The following SULF2 variants were observed in gnomAD, a reference collection of about 807,000 sequenced individuals.
SULF2 encodes the protein extracellular sulfatase Sulf-2.
A neutral mutation model predicts 107.7 loss-of-function variants in SULF2; 52 were observed. The ratio of observed to expected loss-of-function variants is 0.48; its 90% confidence interval spans 0.39 to 0.61. The LOEUF (loss-of-function observed/expected upper bound fraction) is 0.61, where lower values mean the gene tolerates loss of function less well. Ranked by LOEUF, SULF2 falls within the 20% of genes least tolerant of loss-of-function variation. SULF2 has a pLI of 0.00. For missense variants in SULF2, 993 were observed against 1,177.3 expected (o/e 0.84, Z 2.29); for synonymous variants, 460 against 464.3 (o/e 0.99, Z 0.12).
At chr20:47,727,986 T>C (rs987577790) in intron 3 of SULF2, among the ~76,000 whole-genome samples, 3 of 152,166 alleles carry the variant, frequency 2.0e-5, no homozygotes, top group African/African-American at 7.2e-5. Context: ...ACACGCTGGG[T>C]CAGCCTGGGT....
chr20:47,694,002 C>G lies in SULF2; in HGVS notation c.568-3707G>C, dbSNP rs542487198. On this transcript the variant is annotated intron_variant, in intron 4 of 20. Transcript: ENST00000688720. The surrounding 1 kb of genome is among the most constrained non-coding windows in gnomAD (Gnocchi z 4.4). ...GGGCAGATTTCTCCATGTCTGAGAG[C>G]TCCCCTCCTTATCCATCCTCCTCAG... Among the ~76,000 whole-genome samples, 2 of 152,206 alleles carry G rather than the reference C, an allele frequency of 1.3e-5. No individual in the cohort carries two copies. The highest frequency in any genetic ancestry group is 3.8e-4 in the East Asian group (2 of 5,198).
intron 1 of SULF2, among the ~76,000 whole-genome samples, chr20:47,776,952 TCTTTC>T (rs1434878281): frequency 3.3e-5 from 5 of 152,180 alleles, no homozygotes; most frequent in Non-Finnish European, 7.3e-5. Flanking sequence ...TCTCCAAGCC[TCTTTC>T]TTTTCTTGCT....
chr20:47,745,412 TA>T (rs2090005151), intron 2 of SULF2, among the ~76,000 whole-genome samples: 2 of 6,886 alleles, frequency 2.9e-4, no homozygotes, highest in Non-Finnish European at 4.5e-4. Flanking sequence ...AAAAAAAAAA[TA>T]TATATATATA....
chr20:47,684,369 G>C, intron 6 of SULF2, 62 bp downstream of exon 6: 1 of 1,506,352 alleles, frequency 6.6e-7, no homozygotes, highest in Admixed American at 2.2e-5. Flanking sequence ...AGGAGGTCTC[G>C]GCCCTGGCCT....
At chr20:47,663,645 A>C (rs1363998277) in intron 15 of SULF2, 23 bp from the exon 16 acceptor site, 1 of 1,551,332 alleles carries the variant, frequency 6.4e-7, no homozygotes. Context: ...AGGGCCACAC[A>C]CACCTTGGGC....
intron 10 of SULF2, among the ~76,000 whole-genome samples, chr20:47,673,757 C>T (rs2087553302): frequency 6.6e-6 from 1 of 152,206 alleles, no homozygotes; most frequent in African/African-American, 2.4e-5. Context: ...GCCTGGGGGA[C>T]CTGGGGAGGC....
At chr20:47,750,248 G>A (rs1339906102) in intron 2 of SULF2, among the ~76,000 whole-genome samples, 1 of 152,154 alleles carries the variant, frequency 6.6e-6, no homozygotes, top group Non-Finnish European at 1.5e-5. Context: ...CCAAAGCGCT[G>A]GGATCACAGG....
chr20:47,682,543 A>T (rs923394925), intron 7 of SULF2, among the ~76,000 whole-genome samples: 3 of 152,214 alleles, frequency 2.0e-5, no homozygotes, highest in Non-Finnish European at 4.4e-5. Flanking sequence ...TCCTCCAGGA[A>T]GGATGGGAGG....
chr20:47,726,135 C>T (rs756706844), intron 3 of SULF2, among the ~76,000 whole-genome samples: 1 of 152,170 alleles, frequency 6.6e-6, no homozygotes, highest in African/African-American at 2.4e-5. Context: ...CCACCCCCTG[C>T]GTTTTTATTG....
chr20:47,688,204 C>T (rs1312883483), intron 5 of SULF2, among the ~76,000 whole-genome samples: 13 of 152,108 alleles, frequency 8.5e-5, no homozygotes, highest in Admixed American at 6.5e-5. Context: ...AACCGTGCGC[C>T]CCGGCTCTGT....
intron 3 of SULF2, among the ~76,000 whole-genome samples, chr20:47,712,663 G>C (rs2088971311): frequency 6.6e-6 from 1 of 152,140 alleles, no homozygotes; most frequent in Admixed American, 6.5e-5. Flanking sequence ...GTGCAAGGTG[G>C]GGCAGCGCCC....
chr20:47,783,577 A>G (rs1225372983), intron 1 of SULF2, among the ~76,000 whole-genome samples: 2 of 152,074 alleles, frequency 1.3e-5, no homozygotes, highest in Non-Finnish European at 2.9e-5. Context: ...TCATCACTCT[A>G]CTCTCAAGTT....
rs967489331 is a variant in SULF2, at chr20:47,663,384, T to C, written c.2227+69A>G. 2.5e-6 allele frequency: 4 copies of C among 1,595,236 alleles called. No homozygotes were observed. In the African/African-American group the frequency reaches 5.4e-5, roughly 21 times the overall value. On this transcript the variant is annotated intron_variant, in intron 16 of 20. Coordinates refer to ENST00000688720, the MANE Select transcript of SULF2 (RefSeq NM_001387048.1). ...ACCCCCTTTCTGAGAGAGGTCTGGG[T>C]CACTAAGTGGAGAAGTTTCTTGAAC...
intron 2 of SULF2, among the ~76,000 whole-genome samples, chr20:47,748,645 G>C (rs1881245213): frequency 6.6e-6 from 1 of 152,144 alleles, no homozygotes; most frequent in Non-Finnish European, 1.5e-5. Flanking sequence ...AAGCCCCTTC[G>C]CTCTCTGGGC....
chr20:47,713,475 T>C (rs910391404), intron 3 of SULF2, among the ~76,000 whole-genome samples: 1 of 152,106 alleles, frequency 6.6e-6, no homozygotes, highest in African/African-American at 2.4e-5. Flanking sequence ...TTTAAAGAGC[T>C]TGGTTTGCAG....
At chr20:47,704,689 G>T (rs910140440) in intron 3 of SULF2, among the ~76,000 whole-genome samples, 1 of 152,238 alleles carries the variant, frequency 6.6e-6, no homozygotes, top group Non-Finnish European at 1.5e-5. Context: ...AGGACACTGC[G>T]GTTCTGAAAT....
At chr20:47,778,685 A>G (rs895646912) in intron 1 of SULF2, among the ~76,000 whole-genome samples, 11 of 152,222 alleles carry the variant, frequency 7.2e-5, no homozygotes, top group Non-Finnish European at 1.6e-4. Context: ...ATGAATATTT[A>G]GCTCTGTCTG....
chr20:47,750,124 G>A (rs1012051476), intron 2 of SULF2, among the ~76,000 whole-genome samples: 4 of 152,206 alleles, frequency 2.6e-5, no homozygotes, highest in African/African-American at 9.6e-5. Flanking sequence ...TGGGACTATA[G>A]GCGTGTGCCA....
At chr20:47,759,100 G>A (rs1292766243) in intron 1 of SULF2, among the ~76,000 whole-genome samples, 1 of 152,156 alleles carries the variant, frequency 6.6e-6, no homozygotes, top group Non-Finnish European at 1.5e-5. Flanking sequence ...GGGCAGGGGA[G>A]GGCACAGTGC....
Sources: allele counts gnomAD v4.1 joint callset (sites outside exome capture counted in the v4.1 genomes callset), GRCh38; gene constraint gnomAD v4.1.1; non-coding constraint Gnocchi (gnomAD v3.1); transcripts MANE v1.5; gene names NCBI Gene and HGNC (gene_info 2026-07-23, HGNC 2026-07-21).